The following FGF12 variants were observed in gnomAD, a reference collection of about 807,000 sequenced individuals.
FGF12 encodes the protein fibroblast growth factor 12B.
Under a neutral mutation model 23.6 loss-of-function variants are expected in FGF12, and 14 were observed. That is an observed-to-expected ratio of 0.59 (90% CI 0.39 to 0.93). The LOEUF is 0.93. Among genes scored for constraint, FGF12 ranks in the 40% least tolerant of loss-of-function variants. The pLI, the probability that FGF12 is intolerant of heterozygous loss-of-function variation, is 0.00. For synonymous variants in FGF12, 62 were observed against 77.3 expected (o/e 0.80, Z 1.04); for missense variants, 175 against 217.8 (o/e 0.80, Z 1.24).
intron 2 of FGF12, among the ~76,000 whole-genome samples, chr3:192,639,395 A>T (rs1457668767): frequency 6.6e-6 from 1 of 152,210 alleles, no homozygotes; most frequent in African/African-American, 2.4e-5. Context: ...CAGTATGGAG[A>T]TTTCCAAATA....
At chr3:192,522,212 CAAAAAAAAA>C (rs1472488775) in intron 2 of FGF12, among the ~76,000 whole-genome samples, 2 of 131,838 alleles carry the variant, frequency 1.5e-5, no homozygotes, top group Non-Finnish European at 3.3e-5. Flanking sequence ...AAAAAAAAAA[CAAAAAAAAA>C]CGGGGGGGAC....
intron 3 of FGF12, among the ~76,000 whole-genome samples, chr3:192,340,583 C>A (rs980677962): frequency 6.6e-6 from 1 of 152,090 alleles, no homozygotes; most frequent in African/African-American, 2.4e-5. Flanking sequence ...TGTTCTACAT[C>A]TTTTTGTAAA....
At chr3:192,452,375 C>T (rs1722549734) in intron 2 of FGF12, among the ~76,000 whole-genome samples, 1 of 152,030 alleles carries the variant, frequency 6.6e-6, no homozygotes, top group Non-Finnish European at 1.5e-5. Context: ...ATAATTTATT[C>T]TCCTTTTGAT....
intron 2 of FGF12, among the ~76,000 whole-genome samples, chr3:192,602,719 G>T (rs1266270430): frequency 8.4e-6 from 1 of 119,610 alleles, no homozygotes; most frequent in African/African-American, 3.0e-5. Flanking sequence ...GTGCACAAAG[G>T]CCCAAAAAAA....
At chr3:192,584,120 A>G (rs530049396) in intron 2 of FGF12, among the ~76,000 whole-genome samples, 10 of 152,314 alleles carry the variant, frequency 6.6e-5, no homozygotes, top group African/African-American at 2.2e-4. Context: ...GATATTGCCT[A>G]TGCTCTGTTT....
At chr3:192,226,892 CT>C (rs1718764901) in intron 4 of FGF12, among the ~76,000 whole-genome samples, 1 of 151,294 alleles carries the variant, frequency 6.6e-6, no homozygotes, top group Non-Finnish European at 1.5e-5. Flanking sequence ...TCATGTTGCA[CT>C]TGGTAAATAT....
At chr3:192,377,231 T>C (rs554891179) in intron 2 of FGF12, among the ~76,000 whole-genome samples, 1 of 152,226 alleles carries the variant, frequency 6.6e-6, no homozygotes, top group Non-Finnish European at 1.5e-5. Flanking sequence ...GGCCCCTGCC[T>C]GCCTCACACG....
chr3:192,159,113 T>C (rs1325986827), intron 5 of FGF12, among the ~76,000 whole-genome samples: 1 of 152,214 alleles, frequency 6.6e-6, no homozygotes, highest in Non-Finnish European at 1.5e-5. Context: ...TTCCTTTTTA[T>C]AGCAGCAGTT....
At chr3:192,637,165 A>T (rs148510292) in intron 2 of FGF12, among the ~76,000 whole-genome samples, 1 of 152,292 alleles carries the variant, frequency 6.6e-6, no homozygotes, top group African/African-American at 2.4e-5. Context: ...AATGCTGACA[A>T]TGCTTTTGGC....
chr3:192,583,306 T>C (rs1358974688), intron 2 of FGF12, among the ~76,000 whole-genome samples: 2 of 152,202 alleles, frequency 1.3e-5, no homozygotes, highest in African/African-American at 4.8e-5. Context: ...AGATGAGCGA[T>C]GCGAATCGTT....
chr3:192,373,082 T>C (rs749120044), intron 2 of FGF12, among the ~76,000 whole-genome samples: 1 of 152,270 alleles, frequency 6.6e-6, no homozygotes, highest in East Asian at 1.9e-4. Context: ...GTACAGATAT[T>C]ATCTGGCAGC....
intron 2 of FGF12, among the ~76,000 whole-genome samples, chr3:192,392,600 G>C (rs1371990036): frequency 3.5e-5 from 3 of 85,592 alleles, no homozygotes; most frequent in African/African-American, 1.1e-4. Flanking sequence ...CCGAGAGAGA[G>C]AGAGAGAGAG....
At chr3:192,308,024 A>C (rs1385308681) in intron 4 of FGF12, among the ~76,000 whole-genome samples, 1 of 152,226 alleles carries the variant, frequency 6.6e-6, no homozygotes, top group Non-Finnish European at 1.5e-5. Flanking sequence ...CGCACGTTAG[A>C]AATCTTAAGA....
intron 2 of FGF12, among the ~76,000 whole-genome samples, chr3:192,714,514 T>TA (rs1491203292): frequency 7.6e-5 from 3 of 39,324 alleles, no homozygotes; most frequent in Non-Finnish European, 1.5e-4. Context: ...AAGGAAATAA[T>TA]TTTTTTTTTT....
intron 2 of FGF12, among the ~76,000 whole-genome samples, chr3:192,592,928 C>T (rs1273401207): frequency 6.6e-6 from 1 of 151,888 alleles, no homozygotes; most frequent in Non-Finnish European, 1.5e-5. Flanking sequence ...GATAATTCCT[C>T]ACCTGCCTGC....
rs1553836837 is a variant in FGF12 at position 192,596,117 on chromosome 3, T to TATAATATAATATAAC, written c.13+131063_13+131064insGTTATATTATATTAT. Among the ~76,000 whole-genome samples, 124 of 143,070 alleles carry TATAATATAATATAAC rather than the reference T, an allele frequency of 8.7e-4. 1 individual carries two copies. The highest frequency in any genetic ancestry group is 1.0e-3 in the East Asian group (5 of 4,912). The allele number at this position is 143,070 out of a possible 152,430, so 93.9% of individuals were successfully genotyped here. On this transcript the variant is annotated intron_variant, in intron 2 of 5. Coordinates refer to ENST00000445105, the MANE Select transcript of FGF12 (RefSeq NM_004113.6). ...AAAAATATAATATAATATAATATAA[T>TATAATATAATATAAC]ATAATATAATATAATATAATATAAT...
At chr3:192,362,267 T>G (rs1055338738) in intron 2 of FGF12, among the ~76,000 whole-genome samples, 7 of 152,210 alleles carry the variant, frequency 4.6e-5, no homozygotes, top group Admixed American at 2.0e-4. Flanking sequence ...CTTTTAGTTC[T>G]AGGGTACATG....
At chr3:192,631,118 T>A (rs1172204072) in intron 2 of FGF12, among the ~76,000 whole-genome samples, 2 of 152,164 alleles carry the variant, frequency 1.3e-5, no homozygotes, top group Admixed American at 6.5e-5. Flanking sequence ...CCATTGCCAC[T>A]TTTTTTGCCT....
At chr3:192,179,011 G>A (rs1479570402) in intron 4 of FGF12, among the ~76,000 whole-genome samples, 2 of 152,176 alleles carry the variant, frequency 1.3e-5, no homozygotes, top group African/African-American at 4.8e-5. Flanking sequence ...ATGGCCTTTA[G>A]ATGGAGAGAA....
Sources: allele counts gnomAD v4.1 joint callset (sites outside exome capture counted in the v4.1 genomes callset), GRCh38; gene constraint gnomAD v4.1.1; transcripts MANE v1.5; gene names NCBI Gene and HGNC (gene_info 2026-07-23, HGNC 2026-07-21).